Variants in RPGRIP1L observed in about 807,000 individuals in gnomAD.
RPGRIP1L encodes protein fantom.
In RPGRIP1L, 131 loss-of-function variants were observed where a neutral mutation model predicts 160.4. The ratio of observed to expected loss-of-function variants is 0.82; its 90% CI spans 0.71 to 0.94. RPGRIP1L has a LOEUF of 0.94. RPGRIP1L is among the 40% of genes least tolerant of loss of function. The pLI is 0.00. For missense variants in RPGRIP1L, 1,522 were observed against 1,535.8 expected, an observed-to-expected ratio of 0.99 and a Z score of 0.15; for synonymous variants, 510 against 515.8, an observed-to-expected ratio of 0.99 and a Z score of 0.15.
intron 6 of RPGRIP1L, among the ~76,000 whole-genome samples, chr16:53,677,147 T>C (rs1170953278): frequency 6.6e-6 from 1 of 152,198 alleles, no homozygotes; most frequent in Non-Finnish European, 1.5e-5. Context: ...AATATTTTCC[T>C]AAACTCCTTG....
intron 19 of RPGRIP1L, among the ~76,000 whole-genome samples, chr16:53,640,442 T>C (rs1208442742): frequency 1.3e-5 from 2 of 152,174 alleles, no homozygotes; most frequent in African/African-American, 2.4e-5. Context: ...GGTCTCTTAA[T>C]GTAGATATGG....
chr16:53,697,297 T>C (rs1294994536), intron 2 of RPGRIP1L, among the ~76,000 whole-genome samples: 3 of 151,642 alleles, frequency 2.0e-5, no homozygotes, highest in Non-Finnish European at 2.9e-5. Context: ...ATTAAACATA[T>C]GAAAAGTTTA....
chr16:53,622,844 C>T (rs1422033607), intron 22 of RPGRIP1L, among the ~76,000 whole-genome samples: 3 of 132,410 alleles, frequency 2.3e-5, no homozygotes, highest in African/African-American at 7.8e-5. Flanking sequence ...CACACACACA[C>T]AAATAGCCAG....
At chr16:53,614,419 G>GT (rs1964230456) in intron 24 of RPGRIP1L, among the ~76,000 whole-genome samples, 1 of 152,170 alleles carries the variant, frequency 6.6e-6, no homozygotes. Flanking sequence ...GTAGCTCTGG[G>GT]TTAGGGCCTG....
chr16:53,683,973 C>T (rs2151304435), intron 6 of RPGRIP1L, among the ~76,000 whole-genome samples: 1 of 152,194 alleles, frequency 6.6e-6, no homozygotes, highest in East Asian at 1.9e-4. Context: ...ACAACTTATA[C>T]AAAAATCAAC....
At chr16:53,622,693 A>AG (rs1964811148) in intron 22 of RPGRIP1L, among the ~76,000 whole-genome samples, 1 of 151,524 alleles carries the variant, frequency 6.6e-6, no homozygotes, top group Admixed American at 6.6e-5. Context: ...GAGGCTGAGG[A>AG]GGGGCAGATT....
At chr16:53,632,077 C>T (rs1965555137) in intron 22 of RPGRIP1L, among the ~76,000 whole-genome samples, 1 of 152,276 alleles carries the variant, frequency 6.6e-6, no homozygotes, top group Admixed American at 6.5e-5. Context: ...ATTAATTATA[C>T]ATCACAGACA....
At chr16:53,700,803 T>C (rs1222213759) in intron 1 of RPGRIP1L, 73 bp from the exon 2 acceptor site, 1 of 1,188,568 alleles carries the variant, frequency 8.4e-7, no homozygotes, top group African/African-American at 1.5e-5. Flanking sequence ...ATGAACCAAA[T>C]AAAACGAAAA....
chr16:53,606,484 CAAAT>C (rs1166986083), intron 25 of RPGRIP1L, among the ~76,000 whole-genome samples: 4 of 152,184 alleles, frequency 2.6e-5, no homozygotes, highest in Non-Finnish European at 2.9e-5. Flanking sequence ...TTGAAAAACA[CAAAT>C]AAAATCCTTT....
At chr16:53,614,490 C>T (rs1441220887) in intron 24 of RPGRIP1L, among the ~76,000 whole-genome samples, 2 of 152,166 alleles carry the variant, frequency 1.3e-5, no homozygotes, top group African/African-American at 2.4e-5. Context: ...GGGTTCTACA[C>T]ATTGAGAAAC....
chr16:53,637,117 C>T (rs1206206706), intron 21 of RPGRIP1L, among the ~76,000 whole-genome samples: 1 of 152,120 alleles, frequency 6.6e-6, no homozygotes, highest in Non-Finnish European at 1.5e-5. Flanking sequence ...CCTTCTCAGC[C>T]TCCCAAGTAG....
intron 6 of RPGRIP1L, among the ~76,000 whole-genome samples, chr16:53,679,562 G>A (rs1969459745): frequency 7.3e-6 from 1 of 137,416 alleles, no homozygotes; most frequent in African/African-American, 2.5e-5. Context: ...CACCACACCT[G>A]GCAGGAATCT....
intron 6 of RPGRIP1L, among the ~76,000 whole-genome samples, chr16:53,677,009 T>G (rs1969234839): frequency 1.3e-5 from 2 of 152,200 alleles, no homozygotes; most frequent in Admixed American, 1.3e-4. Context: ...CAATTAAATC[T>G]CTATAATCCA....
Position 53,652,743 on chromosome 16 carries a change from C to T in RPGRIP1L, c.1944G>A (p.Val648=), listed in dbSNP as rs532450170. Residue 648 remains valine (V), a synonymous_variant, in exon 15 of 27, where the codon GTG becomes GTA. Transcript: ENST00000647211. ...YDFELQTTPV[V]RGLHPEYNFT... ...AGTTATATTCGGGATGAAGGCCTCG[C>T]ACTACGGGAGTTGTCTGTAGTTCAA... is the stretch of plus-strand genomic sequence containing the variant. The T allele has an allele frequency of 3.0e-4, 483 of 1,614,066 alleles. 6 individuals are homozygous for T. The South Asian group carries it at 4.9e-3, about 16-fold the overall frequency.
In RPGRIP1L at chr16:53,673,027, A is replaced by C. The variant is rs1325728567; in HGVS notation, c.883-11T>G. 1 of 1,609,256 alleles carries C rather than the reference A, an allele frequency of 6.2e-7. No individual in the cohort carries two copies. Among genetic ancestry groups the C allele is most frequent in the Non-Finnish European group, 8.5e-7 (1 of 1,177,196 alleles). ...GAGAGTTCTTTGCTTCTAAAAGATA[A>C]AAAGAACATCTTTCAAACATTATTT... On this transcript the variant is annotated splice_polypyrimidine_tract_variant and intron_variant, in intron 7 of 26. Coordinates refer to ENST00000647211, the MANE Select transcript of RPGRIP1L (RefSeq NM_015272.5).
chr16:53,613,542 C>T (rs144215349), intron 24 of RPGRIP1L, among the ~76,000 whole-genome samples: 104 of 152,260 alleles, frequency 6.8e-4, no homozygotes, highest in African/African-American at 2.4e-3. Flanking sequence ...ATCTTGAACT[C>T]CTGGCCTCAA....
intron 23 of RPGRIP1L, among the ~76,000 whole-genome samples, chr16:53,621,760 C>G (rs1158028732): frequency 6.7e-6 from 1 of 150,078 alleles, no homozygotes; most frequent in African/African-American, 2.5e-5. Flanking sequence ...CAGTGGCTCA[C>G]GCCTGTAATC....
At chr16:53,643,145 T>C (rs1305493902) in intron 17 of RPGRIP1L, among the ~76,000 whole-genome samples, 1 of 151,958 alleles carries the variant, frequency 6.6e-6, no homozygotes, top group African/African-American at 2.4e-5. Context: ...TTGTCTCTAC[T>C]AAAAATACAA....
At chr16:53,608,153 A>G (rs1963801666) in intron 25 of RPGRIP1L, among the ~76,000 whole-genome samples, 1 of 152,134 alleles carries the variant, frequency 6.6e-6, no homozygotes, top group South Asian at 2.1e-4. Flanking sequence ...CTGGTCCTGG[A>G]ACACATCTCT....
Sources: gnomAD v4.1 joint callset for allele counts (sites outside exome capture counted in the v4.1 genomes callset) on GRCh38, gnomAD v4.1.1 for gene constraint, MANE v1.5 for transcripts, NCBI Gene and HGNC (gene_info 2026-07-23, HGNC 2026-07-21) for gene names.